PAXX: variants seen among roughly 807,000 people sequenced by gnomAD.
PAXX encodes protein PAXX.
PAXX carries 27 observed loss-of-function variants against 25.6 expected under a neutral mutation model. That is an observed-to-expected ratio of 1.06 (90% CI 0.78 to 1.46). The LOEUF (loss-of-function observed/expected upper bound fraction) is 1.46, where lower values mean the gene tolerates loss of function less well. PAXX is among the 40% of genes most tolerant of loss of function. PAXX has a pLI of 0.00. For missense variants in PAXX, 295 were observed against 280.2 expected (o/e 1.05, Z -0.38); for synonymous variants, 126 against 125.7 (o/e 1.00, Z -0.02).
rs754851120 is a variant in PAXX, at chr9:136,993,762, C to T, written c.576-4C>T. ...GCCATAGTGACACCCCTCTTCCCTC[C>T]CAGTAAGAAACCAGCTGGTGGCGTG... On this transcript the variant is annotated splice_region_variant and splice_polypyrimidine_tract_variant and intron_variant, in intron 6 of 6. Coordinates refer to ENST00000371620, the MANE Select transcript of PAXX (RefSeq NM_183241.3). 6.2e-7 allele frequency: 1 copy of T among 1,613,970 alleles called. No individual in the cohort carries two copies. The highest frequency in any genetic ancestry group is 1.1e-5 in the South Asian group (1 of 91,084).
At chr9:136,992,753 T>G (rs771681023) in intron 2 of PAXX, 53 bp downstream of exon 2, 53 of 1,552,712 alleles carry the variant, frequency 3.4e-5, no homozygotes, top group Non-Finnish European at 4.1e-5. Context: ...GCAGTGCAGA[T>G]CGTCTATGGG....
chr9:136,993,735 G>A (rs1830647412), intron 6 of PAXX, 31 bp from the exon 7 acceptor site: 16 of 1,613,732 alleles, frequency 9.9e-6, no homozygotes, highest in Admixed American at 1.7e-5. Flanking sequence ...CCACACCATA[G>A]TGCCATAGTG....
intron 5 of PAXX, 74 bp downstream of exon 5, chr9:136,993,485 A>G (rs1830634542): frequency 6.3e-7 from 1 of 1,597,516 alleles, no homozygotes. Flanking sequence ...CCCAAACAAG[A>G]CTCACGCTCC....
chr9:136,993,850 G>A lies in PAXX; in HGVS notation c.*45G>A. ...CCCCGCGGGGAGTCCGCCTATGAGG[G>A]GAGAGGCAGTCTTTGAGGCCCCCAT... is the stretch of plus-strand genomic sequence containing the variant. On this transcript the variant is annotated 3_prime_UTR_variant, in exon 7 of 7. Coordinates refer to ENST00000371620, the MANE Select transcript of PAXX (RefSeq NM_183241.3). 6.2e-7 allele frequency: 1 copy of A among 1,605,418 alleles called. No homozygotes were observed. The highest frequency in any genetic ancestry group is 1.1e-5 in the South Asian group (1 of 90,844).
At chr9:136,993,312 G>T in intron 4 of PAXX, 31 bp from the exon 5 acceptor site, 1 of 1,597,266 alleles carries the variant, frequency 6.3e-7, no homozygotes, top group Non-Finnish European at 8.5e-7. Context: ...TCCTGGCACT[G>T]AGTGGGGTTC....
chr9:136,993,237 C>T lies in PAXX; in HGVS notation c.415C>T (p.Leu139=), dbSNP rs773083243. The T allele has an allele frequency of 1.9e-6, 3 of 1,540,008 alleles. No individual in the cohort carries two copies. The Admixed American group carries it at 6.2e-5, about 32-fold the overall frequency. The change falls in exon 4 of 7, where the codon CTG becomes TTG. Residue 139 remains leucine, a synonymous_variant. Coordinates refer to ENST00000371620, the MANE Select transcript of PAXX (RefSeq NM_183241.3). The stretch of plus-strand genomic sequence containing the variant: ...ACGCGTGTGGAGCCTGGAGCGGCGA[C>T]TGGCAGGTAGGATTGGGGGTGGGCA... ...AKRVWSLERR[L]AAAEETAVSP... is the part of the protein sequence containing the mutation.
rs1830632943 is a variant in PAXX at position 136,993,437 on chromosome 9, A to G, written c.490+26A>G. 6.2e-7 allele frequency: 1 copy of G among 1,601,986 alleles called. No homozygotes were observed. Among genetic ancestry groups the G allele is most frequent in the Non-Finnish European group, 8.5e-7 (1 of 1,173,382 alleles). On this transcript the variant is annotated intron_variant, in intron 5 of 6. Coordinates refer to ENST00000371620, the MANE Select transcript of PAXX (RefSeq NM_183241.3). ...GTAAGGCATGTCCGCCTGTGACTCA[A>G]GTAGGGCTGTGCTCTTTAACCTGGA... is the stretch of plus-strand genomic sequence containing the variant.
Position 136,993,086 on chromosome 9 carries a change from T to C in PAXX, c.264T>C (p.Thr88=). ...GTGAGCAGCAAGCTGTGGCTCTGAC[T>C]CTGCAGGAGGACAGAGCATCCCTGA... ...AACEQQAVAL[T]LQEDRASLTL... The change falls in exon 4 of 7, where the codon ACT becomes ACC. Residue 88 remains threonine (T), a synonymous_variant. Transcript: ENST00000371620. 1 of 1,611,054 alleles carries C rather than the reference T, an allele frequency of 6.2e-7. No individual in the cohort carries two copies. The highest frequency in any genetic ancestry group is 8.5e-7 in the Non-Finnish European group (1 of 1,179,338).
Position 136,992,640 on chromosome 9 carries a change from C to T in PAXX, c.120C>T (p.Tyr40=). ...CCGCCTGACAGGCCTTCTCCCCCAG[C>T]GTGACCGACGCCGCGGAGCTTTGGA... The part of the protein sequence containing the change: ...GEGDRGGFNL[Y]VTDAAELWST... The change falls in exon 2 of 7, where the codon TAC becomes TAT. Residue 40 remains tyrosine, a splice_region_variant and synonymous_variant. Transcript: ENST00000371620. 6.5e-7 allele frequency: 1 copy of T among 1,541,878 alleles called. No homozygotes were observed. The highest frequency in any genetic ancestry group is 2.4e-5 in the East Asian group (1 of 40,910).
rs755740714 is a variant in PAXX, at chr9:136,993,517, G to A, written c.491-63G>A. 72 of 1,604,552 alleles carry A rather than the reference G, an allele frequency of 4.5e-5. No individual in the cohort carries two copies. The Middle Eastern group carries it at 6.6e-4, about 15-fold the overall frequency. On this transcript the variant is annotated intron_variant, in intron 5 of 6. Coordinates refer to ENST00000371620, the MANE Select transcript of PAXX (RefSeq NM_183241.3). Reference sequence around the variant, plus strand: ...CTCCAGAGAGAATGCCTATCTATTCGGAGAAGGTTGTGGTTGGGATGCTGC... The same window carrying A: ...CTCCAGAGAGAATGCCTATCTATTCAGAGAAGGTTGTGGTTGGGATGCTGC...
chr9:136,993,163 G>A lies in PAXX; in HGVS notation c.341G>A (p.Gly114Asp). The A allele has an allele frequency of 1.3e-6, 2 of 1,566,752 alleles. No individual in the cohort carries two copies. Among genetic ancestry groups the A allele is most frequent in the Non-Finnish European group, 1.7e-6 (2 of 1,158,162 alleles). ...GCCTTTGACCTCTCCAAGGTACCAG[G>A]CCCAGAGGCAGCCCCCAGGCTGCGG... ...ALAFDLSKVP[G>D]PEAAPRLRAL... Residue 114 changes from glycine (G) to aspartate (D), a missense_variant, in exon 4 of 7, where the codon GGC becomes GAC. Transcript: ENST00000371620.
Position 136,993,959 on chromosome 9 carries a change from A to C in PAXX, c.*154A>C. 1 of 729,844 alleles carries C rather than the reference A, an allele frequency of 1.4e-6. No individual in the cohort carries two copies. Among genetic ancestry groups the C allele is most frequent in the Non-Finnish European group, 2.3e-6 (1 of 435,476 alleles). 45.2% of individuals were successfully genotyped at this position (729,844 alleles called of 1,614,324 possible). On this transcript the variant is annotated 3_prime_UTR_variant, in exon 7 of 7. Coordinates refer to ENST00000371620, the MANE Select transcript of PAXX (RefSeq NM_183241.3). ...CTCAAATTCCTTCCCTGTCAAATAA[A>C]CAGCTCCCTTGGTTGGAGGCTCTGG...
chr9:136,992,736 C>T, intron 2 of PAXX, 36 bp downstream of exon 2: 2 of 1,544,862 alleles, frequency 1.3e-6, no homozygotes, highest in African/African-American at 1.4e-5. Context: ...CCGCCACACC[C>T]CTCCTTGCAG....
Position 136,993,425 on chromosome 9 carries a change from G to T in PAXX, c.490+14G>T. 6.2e-7 allele frequency: 1 copy of T among 1,603,036 alleles called. No homozygotes were observed. The highest frequency in any genetic ancestry group is 1.3e-5 in the African/African-American group (1 of 74,826). ...TCTTCTTACCAGGTAAGGCATGTCC[G>T]CCTGTGACTCAAGTAGGGCTGTGCT... On this transcript the variant is annotated intron_variant, in intron 5 of 6. Coordinates refer to ENST00000371620, the MANE Select transcript of PAXX (RefSeq NM_183241.3).
Position 136,992,987 on chromosome 9 carries a change from CAGGG to C in PAXX, c.230+17_230+20del. The C allele has an allele frequency of 6.2e-7, 1 of 1,613,488 alleles. No individual in the cohort carries two copies. The highest frequency in any genetic ancestry group is 8.5e-7 in the Non-Finnish European group (1 of 1,180,006). ...CCCCCCGGTTCAGGTGAGACCCAAG[CAGGG>C]AGGAAGGACGGGTGGGGAGGAGGAG... On this transcript the variant is annotated intron_variant, in intron 3 of 6. Transcript: ENST00000371620.
In PAXX at chr9:136,992,871, C is replaced by T. The variant is rs1288473554; in HGVS notation, c.181-54C>T. On this transcript the variant is annotated intron_variant, in intron 2 of 6. Coordinates refer to ENST00000371620, the MANE Select transcript of PAXX (RefSeq NM_183241.3). ...CTGGGGTCGGGCAGGTTTCGGGTGC[C>T]CCCAGTGGGCCTCGGGTTCCAGGCA... The T allele has an allele frequency of 1.9e-5, 31 of 1,612,346 alleles. No homozygotes were observed. In the Admixed American group the frequency reaches 5.2e-4, roughly 27 times the overall value.
Position 136,992,429 on chromosome 9 carries a change from C to A in PAXX, c.-15C>A. On this transcript the variant is annotated 5_prime_UTR_variant, in exon 1 of 7. Coordinates refer to ENST00000371620, the MANE Select transcript of PAXX (RefSeq NM_183241.3). The stretch of plus-strand genomic sequence containing the variant: ...CCCAAGCCCCGCCCCGCCGGGTTCC[C>A]GCTCGCCCGGCGCCATGGATCCGCT... 8.6e-7 allele frequency: 1 copy of A among 1,160,344 alleles called. No homozygotes were observed. Among genetic ancestry groups the A allele is most frequent in the South Asian group, 2.0e-5 (1 of 49,920 alleles). 71.9% of individuals were successfully genotyped at this position (1,160,344 alleles called of 1,614,324 possible).
Position 136,992,448 on chromosome 9 carries a change from A to T in PAXX, c.5A>T (p.Asp2Val). Residue 2 changes from aspartate (D) to valine (V), a missense_variant, in exon 1 of 7, where the codon GAT (aspartate) becomes GTT (valine). Transcript: ENST00000371620. Reference protein sequence around the residue: MDPLSPPLCTLP... With the variant: MVPLSPPLCTLP... ...GGTTCCCGCTCGCCCGGCGCCATGG[A>T]TCCGCTGTCGCCGCCGCTCTGCACG... 3.1e-6 allele frequency: 4 copies of T among 1,277,790 alleles called. No homozygotes were observed. The highest frequency in any genetic ancestry group is 1.8e-5 in the South Asian group (1 of 55,426). 79.2% of individuals were successfully genotyped at this position (1,277,790 alleles called of 1,614,324 possible).
chr9:136,992,693 C>T lies in PAXX; in HGVS notation c.173C>T (p.Ala58Val), dbSNP rs759321877. ...ACCTGCTTCACGCCGGACAGCCTGG[C>T]GGCCCTCGTGGGTAACTGGGCGGGT... ...WSTCFTPDSL[A>V]ALKARFGLSA... is the part of the protein sequence containing the mutation. Residue 58 changes from alanine (A) to valine (V), a missense_variant, in exon 2 of 7, where the codon GCG (alanine) becomes GTG (valine). By Grantham distance (64) the Ala-to-Val change is moderately conservative. Coordinates refer to ENST00000371620, the MANE Select transcript of PAXX (RefSeq NM_183241.3). 1.3e-6 allele frequency: 2 copies of T among 1,540,600 alleles called. No individual in the cohort carries two copies. Among genetic ancestry groups the T allele is most frequent in the South Asian group, 1.2e-5 (1 of 84,280 alleles).
Sources: allele counts gnomAD v4.1 joint callset, GRCh38; gene constraint gnomAD v4.1.1; transcripts MANE v1.5; gene names NCBI Gene and HGNC (gene_info 2026-07-23, HGNC 2026-07-21).